Variants in PACRG observed in about 807,000 individuals in gnomAD.
PACRG encodes parkin coregulated.
In PACRG, 29 loss-of-function variants were observed where a neutral mutation model predicts 29.7. The observed-to-expected ratio is 0.98, with a 90% CI of 0.73 to 1.33. PACRG has a LOEUF of 1.33. PACRG is among the 40% of genes most tolerant of loss of function. The probability of loss-of-function intolerance (pLI) is 0.00; values close to 1 mark genes in which losing one functional copy is unlikely to be tolerated. For synonymous variants in PACRG, 116 were observed against 118.7 expected, an observed-to-expected ratio of 0.98 and a Z score of 0.15; for missense variants, 279 against 316.2, an observed-to-expected ratio of 0.88 and a Z score of 0.89.
chr6:162,765,334 TTACTC>T (rs751829057), intron 1 of PACRG, among the ~76,000 whole-genome samples: 72 of 152,070 alleles, frequency 4.7e-4, no homozygotes, highest in Non-Finnish European at 7.9e-4. Flanking sequence ...TGAAAACATT[TTACTC>T]TACTCTGACT....
chr6:163,279,797 C>T (rs1213018895), intron 4 of PACRG, among the ~76,000 whole-genome samples: 1 of 152,134 alleles, frequency 6.6e-6, no homozygotes, highest in Non-Finnish European at 1.5e-5. Context: ...TTCACTATCA[C>T]ATAAGTCATA....
intron 2 of PACRG, among the ~76,000 whole-genome samples, chr6:163,000,679 C>T (rs1007286243): frequency 5.9e-5 from 9 of 152,122 alleles, no homozygotes; most frequent in Admixed American, 3.3e-4. Flanking sequence ...CCAGCAGGAA[C>T]TCAACAAATG....
At chr6:163,145,395 C>T (rs1777753966) in intron 4 of PACRG, among the ~76,000 whole-genome samples, 1 of 152,212 alleles carries the variant, frequency 6.6e-6, no homozygotes, top group Non-Finnish European at 1.5e-5. Flanking sequence ...ATTTTCCTGT[C>T]TACATCTTCC....
At chr6:162,959,505 C>T (rs1800434620) in intron 2 of PACRG, among the ~76,000 whole-genome samples, 1 of 152,042 alleles carries the variant, frequency 6.6e-6, no homozygotes, top group Non-Finnish European at 1.5e-5. Flanking sequence ...GGGGCAATGG[C>T]CAGCATGGTT....
rs1297387219 is a variant in PACRG at position 162,908,985 on chromosome 6, G to T, written c.291+94704G>T. ...AGTGACCCCTCTAGAACAAAATCTCGAAATGCTACTCTTCTCTCAAGAGGG... is the reference window on the plus strand; with the variant it reads ...AGTGACCCCTCTAGAACAAAATCTCTAAATGCTACTCTTCTCTCAAGAGGG... On this transcript the variant is annotated intron_variant, in intron 2 of 4. Coordinates refer to ENST00000366888, the MANE Select transcript of PACRG (RefSeq NM_001080379.2). 3.3e-5 allele frequency among the ~76,000 whole-genome samples: 5 copies of T among 152,122 alleles called. No homozygotes were observed. In the South Asian group the frequency reaches 1.0e-3, roughly 32 times the overall value.
At chr6:162,983,844 T>C (rs973143498) in intron 2 of PACRG, among the ~76,000 whole-genome samples, 1 of 152,024 alleles carries the variant, frequency 6.6e-6, no homozygotes, top group Non-Finnish European at 1.5e-5. Flanking sequence ...TGTAATTGGA[T>C]GTCTAGAACT....
intron 2 of PACRG, among the ~76,000 whole-genome samples, chr6:163,005,047 T>C (rs979489794): frequency 2.0e-5 from 3 of 152,032 alleles, no homozygotes; most frequent in Non-Finnish European, 4.4e-5. Flanking sequence ...AGCTTGTTTG[T>C]TTCAAGAAAT....
chr6:163,278,266 A>G (rs987523689), intron 4 of PACRG, among the ~76,000 whole-genome samples: 3 of 151,844 alleles, frequency 2.0e-5, no homozygotes, highest in African/African-American at 4.8e-5. Context: ...TAGTGTGAAG[A>G]TTTTCTCTCA....
At chr6:163,085,656 G>GC (rs1813492371) in intron 3 of PACRG, among the ~76,000 whole-genome samples, 1 of 152,210 alleles carries the variant, frequency 6.6e-6, no homozygotes, top group African/African-American at 2.4e-5. Context: ...CTAGTCCCTA[G>GC]CGCGCTGCTT....
At chr6:162,897,029 C>T (rs1452960070) in intron 2 of PACRG, among the ~76,000 whole-genome samples, 2 of 152,186 alleles carry the variant, frequency 1.3e-5, no homozygotes, top group Non-Finnish European at 2.9e-5. Context: ...ATAATCTGAT[C>T]TAATCTGCCA....
chr6:162,748,541 A>T (rs1781270972), intron 1 of PACRG, among the ~76,000 whole-genome samples: 1 of 152,182 alleles, frequency 6.6e-6, no homozygotes, highest in African/African-American at 2.4e-5. Context: ...TATTCAGTTT[A>T]TAGTGGAAAA....
At chr6:163,151,865 A>G (rs1778108188) in intron 4 of PACRG, among the ~76,000 whole-genome samples, 1 of 152,250 alleles carries the variant, frequency 6.6e-6, no homozygotes, top group African/African-American at 2.4e-5. Flanking sequence ...CAGATGTGTT[A>G]CATAACAATC....
intron 2 of PACRG, among the ~76,000 whole-genome samples, chr6:163,005,126 A>G (rs917887877): frequency 2.6e-5 from 4 of 152,036 alleles, no homozygotes; most frequent in Non-Finnish European, 5.9e-5. Context: ...TATACTTTTA[A>G]TGTGGAATCT....
At chr6:162,819,171 G>A in intron 2 of PACRG, among the ~76,000 whole-genome samples, 1 of 152,092 alleles carries the variant, frequency 6.6e-6, no homozygotes, top group East Asian at 1.9e-4. Context: ...ATACATATGA[G>A]CAGGTATATG....
intron 4 of PACRG, among the ~76,000 whole-genome samples, chr6:163,313,055 ATCTCTCTC>A (rs149515340): frequency 6.8e-6 from 1 of 147,874 alleles, no homozygotes; most frequent in African/African-American, 2.5e-5. Context: ...TGTATCCAGC[ATCTCTCTC>A]TCTCTCTCTC....
At chr6:163,049,792 G>T (rs1000538957) in intron 2 of PACRG, among the ~76,000 whole-genome samples, 5 of 151,846 alleles carry the variant, frequency 3.3e-5, no homozygotes, top group African/African-American at 4.8e-5. Flanking sequence ...CATTCTCTTT[G>T]GACAGACATT....
intron 4 of PACRG, among the ~76,000 whole-genome samples, chr6:163,122,057 G>C (rs1816303530): frequency 6.6e-6 from 1 of 151,956 alleles, no homozygotes; most frequent in African/African-American, 2.4e-5. Context: ...CCTTATTAAT[G>C]GTCATTTTCT....
intron 1 of PACRG, among the ~76,000 whole-genome samples, chr6:162,793,462 A>T (rs1286616658): frequency 6.6e-6 from 1 of 152,178 alleles, no homozygotes; most frequent in Non-Finnish European, 1.5e-5. Context: ...TCAGGGACCC[A>T]TATCTTTTGC....
intron 1 of PACRG, among the ~76,000 whole-genome samples, chr6:162,797,473 T>G (rs1412978893): frequency 6.6e-6 from 1 of 152,208 alleles, no homozygotes; most frequent in African/African-American, 2.4e-5. Context: ...AGTGACTTGA[T>G]AGTTTTAAAT....
Sources: gnomAD v4.1 joint callset for allele counts (sites outside exome capture counted in the v4.1 genomes callset) on GRCh38, gnomAD v4.1.1 for gene constraint, MANE v1.5 for transcripts, NCBI Gene and HGNC (gene_info 2026-07-23, HGNC 2026-07-21) for gene names.